The following BAIAP2L1 variants were observed in gnomAD, a reference collection of about 807,000 sequenced individuals.
The protein encoded by BAIAP2L1 is BAR/IMD domain containing adaptor protein 2 like 1, also known as BAR/IMD domain-containing adapter protein 2-like 1.
Under a neutral mutation model 66.3 loss-of-function variants are expected in BAIAP2L1, and 35 were observed. That is an observed-to-expected ratio of 0.53 (90% CI 0.40 to 0.70). The LOEUF (loss-of-function observed/expected upper bound fraction) is 0.70. BAIAP2L1 is among the 30% of genes least tolerant of loss of function. The pLI is 0.00. For synonymous variants in BAIAP2L1, 269 were observed against 248.7 expected (o/e 1.08, Z -0.77); for missense variants, 622 against 656.9 (o/e 0.95, Z 0.58).
At chr7:98,322,104 C>A (rs1584455617) in intron 3 of BAIAP2L1, among the ~76,000 whole-genome samples, 1 of 151,914 alleles carries the variant, frequency 6.6e-6, no homozygotes, top group Non-Finnish European at 1.5e-5. Context: ...TCCCCGCCCC[C>A]CAAAAAAGGA....
chr7:98,372,499 T>C (rs902459904), intron 1 of BAIAP2L1, among the ~76,000 whole-genome samples: 3 of 152,150 alleles, frequency 2.0e-5, no homozygotes, highest in Admixed American at 1.3e-4. Context: ...AAGTGTAACA[T>C]TTATGATAAA....
chr7:98,354,974 C>T, intron 3 of BAIAP2L1, 68 bp downstream of exon 3: 1 of 1,177,652 alleles, frequency 8.5e-7, no homozygotes, highest in Admixed American at 1.7e-5. Context: ...CTGGGCCATC[C>T]CACGCGTTTC....
chr7:98,390,525 G>A lies in BAIAP2L1; in HGVS notation c.51+10277C>T, dbSNP rs377343781. ...GGGCGGATCACAAGGTCAGGAGATCGAGACCATCTTGGCTAACACGGTGAA... is the reference window on the plus strand; with the variant it reads ...GGGCGGATCACAAGGTCAGGAGATCAAGACCATCTTGGCTAACACGGTGAA... On this transcript the variant is annotated intron_variant, in intron 1 of 13. Transcript: ENST00000005260. Among the ~76,000 whole-genome samples the A allele has an allele frequency of 2.8e-4, 42 of 151,836 alleles. 1 individual carries two copies. Among genetic ancestry groups the A allele is most frequent in the African/African-American group, 8.9e-4 (37 of 41,510 alleles).
chr7:98,371,054 A>G (rs1802501446), intron 1 of BAIAP2L1, among the ~76,000 whole-genome samples: 1 of 152,174 alleles, frequency 6.6e-6, no homozygotes, highest in Non-Finnish European at 1.5e-5. Flanking sequence ...TGAATTGTTA[A>G]ACAGCCTACA....
chr7:98,357,286 T>C (rs1334123957), intron 2 of BAIAP2L1, among the ~76,000 whole-genome samples: 1 of 150,646 alleles, frequency 6.6e-6, no homozygotes, highest in Non-Finnish European at 1.5e-5. Context: ...TAAAAATTTA[T>C]AGCCAGGTGC....
intron 1 of BAIAP2L1, among the ~76,000 whole-genome samples, chr7:98,383,924 C>T (rs906912585): frequency 4.6e-5 from 7 of 151,886 alleles, no homozygotes; most frequent in Non-Finnish European, 8.8e-5. Context: ...GAGGCTGAGG[C>T]GGGCAGATCA....
chr7:98,302,252 G>A (rs1409824568), intron 12 of BAIAP2L1, among the ~76,000 whole-genome samples: 2 of 152,152 alleles, frequency 1.3e-5, no homozygotes, highest in African/African-American at 4.8e-5. Context: ...TTATCCACAC[G>A]ATAAATACGC....
intron 3 of BAIAP2L1, among the ~76,000 whole-genome samples, chr7:98,339,906 G>A (rs888418897): frequency 7.2e-5 from 11 of 152,136 alleles, no homozygotes; most frequent in Non-Finnish European, 1.3e-4. Flanking sequence ...GGTCCTTTGC[G>A]CCACCCCCCC....
At chr7:98,354,948 TCTC>T in intron 3 of BAIAP2L1, 91 bp downstream of exon 3, 1 of 889,488 alleles carries the variant, frequency 1.1e-6, no homozygotes, top group Non-Finnish European at 1.9e-6. Flanking sequence ...GGCCCAGATC[TCTC>T]CTCTGTTCTG....
chr7:98,310,578 G>A lies in BAIAP2L1; in HGVS notation c.822C>T (p.Tyr274=), dbSNP rs756426782. 1.4e-5 allele frequency: 23 copies of A among 1,587,924 alleles called. No homozygotes were observed. The highest frequency in any genetic ancestry group is 4.7e-5 in the South Asian group (4 of 85,518). ...IERSNVVRKD[Y]DTLSKCSPKM... is the part of the protein sequence containing the mutation. ...TTGGTGAGCATTTAGAAAGGGTGTC[G>A]TAATCTTTCCTAACCTGTGAAAAAT... The change falls in exon 9 of 14, where the codon TAC becomes TAT. Residue 274 remains tyrosine, a synonymous_variant. Transcript: ENST00000005260.
chr7:98,348,550 G>A (rs1801926973), intron 3 of BAIAP2L1, among the ~76,000 whole-genome samples: 1 of 142,180 alleles, frequency 7.0e-6, no homozygotes, highest in South Asian at 2.2e-4. Context: ...CTGGGCAACA[G>A]AGTGAGACTC....
Position 98,400,783 on chromosome 7 carries a change from C to A in BAIAP2L1, c.51+19G>T. 6.5e-7 allele frequency: 1 copy of A among 1,549,090 alleles called. No individual in the cohort carries two copies. Among genetic ancestry groups the A allele is most frequent in the Non-Finnish European group, 8.7e-7 (1 of 1,146,104 alleles). On this transcript the variant is annotated intron_variant, in intron 1 of 13. Transcript: ENST00000005260. ...GGTGGAAAGCCCTGACCTCCCTGAG[C>A]CCCGGGCCCTGGGCTTACCCGGTAG...
intron 3 of BAIAP2L1, among the ~76,000 whole-genome samples, chr7:98,341,199 C>T (rs1347793069): frequency 1.3e-5 from 2 of 152,000 alleles, no homozygotes; most frequent in African/African-American, 2.4e-5. Flanking sequence ...GAATAATGAT[C>T]GCATTATAAA....
chr7:98,375,342 C>T (rs959396428), intron 1 of BAIAP2L1, among the ~76,000 whole-genome samples: 6 of 146,432 alleles, frequency 4.1e-5, no homozygotes, highest in Non-Finnish European at 6.0e-5. Context: ...TGCAGTGAGC[C>T]GACATCCGGC....
intron 12 of BAIAP2L1, among the ~76,000 whole-genome samples, chr7:98,301,886 G>A (rs1800445644): frequency 6.6e-6 from 1 of 152,156 alleles, no homozygotes; most frequent in Non-Finnish European, 1.5e-5. Context: ...GGCCAGCTGC[G>A]CTGGTGGAGG....
chr7:98,294,020 C>T (rs1309809452), intron 13 of BAIAP2L1, 54 bp downstream of exon 13: 2 of 1,594,958 alleles, frequency 1.3e-6, no homozygotes, highest in Admixed American at 3.3e-5. Context: ...CCGGGGGACA[C>T]TACAGGGAAG....
intron 12 of BAIAP2L1, among the ~76,000 whole-genome samples, chr7:98,294,599 T>C (rs183269341): frequency 6.6e-6 from 1 of 152,192 alleles, no homozygotes; most frequent in East Asian, 1.9e-4. Context: ...AAGAAAACAT[T>C]TGTGCCAAAC....
In BAIAP2L1 at chr7:98,357,037, ATATATATATATATTTTT is replaced by A. The variant is rs1164412843; in HGVS notation, c.128-1926_128-1910del. Among the ~76,000 whole-genome samples, 4 of 16,974 alleles carry A rather than the reference ATATATATATATATTTTT, an allele frequency of 2.4e-4. 1 individual carries two copies. Among genetic ancestry groups the A allele is most frequent in the African/African-American group, 6.7e-4 (3 of 4,452 alleles). The allele number at this position is 16,974 out of a possible 152,430, so 11.1% of individuals were successfully genotyped here. On this transcript the variant is annotated intron_variant, in intron 2 of 13. Transcript: ENST00000005260. ...AAAAAAAAAATATATATATATATATATATATATATATATTTTTTTTTTTTTTTTTTTAAGAGTAGGGG... is the reference window on the plus strand; with the variant it reads ...AAAAAAAAAATATATATATATATATATTTTTTTTTTTTTTAAGAGTAGGGG...
intron 10 of BAIAP2L1, 117 bp downstream of exon 10, chr7:98,307,572 C>T: frequency 6.7e-7 from 1 of 1,498,680 alleles, no homozygotes; most frequent in Non-Finnish European, 8.9e-7. Flanking sequence ...AGAACTAAAC[C>T]ATAAACTTAA....
Sources: gnomAD v4.1 joint callset for allele counts (sites outside exome capture counted in the v4.1 genomes callset) on GRCh38, gnomAD v4.1.1 for gene constraint, MANE v1.5 for transcripts, NCBI Gene and HGNC (gene_info 2026-07-23, HGNC 2026-07-21) for gene names.